The following QTGAL variants were observed in gnomAD, a reference collection of about 807,000 sequenced individuals.
The protein encoded by QTGAL is BGnT-like protein 1.
At chr17:83,001,774 G>GTT in the QTGAL span, among the ~76,000 whole-genome samples, 1 of 152,128 alleles carries the variant, frequency 6.6e-6, no homozygotes, top group African/African-American at 2.4e-5. Flanking sequence ...ATGCAATAAA[G>GTT]TTTTTCTTTT....
chr17:82,955,027 G>T, the QTGAL span, among the ~76,000 whole-genome samples: 1 of 152,184 alleles, frequency 6.6e-6, no homozygotes, highest in Non-Finnish European at 1.5e-5. Flanking sequence ...TACCCTACAT[G>T]AAAACCTAGG....
chr17:83,049,324 G>C, the QTGAL span, among the ~76,000 whole-genome samples: 4 of 151,938 alleles, frequency 2.6e-5, no homozygotes, highest in Non-Finnish European at 5.9e-5. Context: ...GGTAAATCAT[G>C]AGTTTTCCAA....
chr17:82,942,597 C>T, the QTGAL span: 2 of 1,227,598 alleles, frequency 1.6e-6, no homozygotes, highest in East Asian at 2.5e-5. Context: ...GAGGCTGGCA[C>T]TAGCTGACAG....
At chr17:83,005,370 CGAG>C in the QTGAL span, among the ~76,000 whole-genome samples, 7 of 152,028 alleles carry the variant, frequency 4.6e-5, no homozygotes, top group Middle Eastern at 3.4e-3. This position sits in a 1 kb window ranked among gnomAD's most constrained non-coding sequence, Gnocchi z 5.6. Context: ...GAGTCGAGGG[CGAG>C]GAGGAGGAGG....
the QTGAL span, among the ~76,000 whole-genome samples, chr17:82,986,396 C>T: frequency 2.0e-4 from 30 of 152,338 alleles, 2 homozygotes; most frequent in Admixed American, 5.9e-4. Context: ...ACAGGCTATA[C>T]CCACAAGCTG....
chr17:83,027,394 C>T, the QTGAL span, among the ~76,000 whole-genome samples: 7 of 152,296 alleles, frequency 4.6e-5, no homozygotes, highest in African/African-American at 7.2e-5. Flanking sequence ...CAAGAGACGT[C>T]GATAGGACAG....
chr17:83,009,961 G>GGGGAGCTGTGGGGGAA, the QTGAL span, among the ~76,000 whole-genome samples: 2 of 147,668 alleles, frequency 1.4e-5, no homozygotes, highest in Non-Finnish European at 3.0e-5. Context: ...CTGTGGGGGA[G>GGGGAGCTGTGGGGGAA]GGGAGCTGTG....
chr17:83,022,114 T>C, the QTGAL span, among the ~76,000 whole-genome samples: 3 of 152,184 alleles, frequency 2.0e-5, no homozygotes, highest in Non-Finnish European at 2.9e-5. Flanking sequence ...GAAGAAAACT[T>C]TGGGGCAGAC....
At chr17:82,993,201 C>G in the QTGAL span, among the ~76,000 whole-genome samples, 1 of 151,968 alleles carries the variant, frequency 6.6e-6, no homozygotes, top group Non-Finnish European at 1.5e-5. Context: ...AAAAACAAGA[C>G]CCAATGATCT....
At chr17:83,025,104 C>T in the QTGAL span, among the ~76,000 whole-genome samples, 4 of 152,134 alleles carry the variant, frequency 2.6e-5, no homozygotes, top group Admixed American at 6.5e-5. Flanking sequence ...TCAAATAAAA[C>T]AGAAACCATG....
At chr17:82,994,538 A>G in the QTGAL span, among the ~76,000 whole-genome samples, 1 of 152,188 alleles carries the variant, frequency 6.6e-6, no homozygotes, top group Non-Finnish European at 1.5e-5. Context: ...AACAAGTAAC[A>G]GGGTCAAAGT....
the QTGAL span, among the ~76,000 whole-genome samples, chr17:82,992,966 G>A: frequency 6.6e-6 from 1 of 151,950 alleles, no homozygotes; most frequent in Non-Finnish European, 1.5e-5. Context: ...AATATACAAT[G>A]AATACACAAA....
At chr17:82,997,928 A>ATAT in the QTGAL span, among the ~76,000 whole-genome samples, 1,204 of 78,264 alleles carry the variant, frequency 0.015, 10 homozygotes, top group South Asian at 0.049. Flanking sequence ...TTTAAAAAAA[A>ATAT]AAATATATAT....
At chr17:82,983,057 G>A in the QTGAL span, among the ~76,000 whole-genome samples, 1 of 152,308 alleles carries the variant, frequency 6.6e-6, no homozygotes. Context: ...GAGGCAGATG[G>A]ATCACCTGAG....
chr17:82,973,082 T>C, the QTGAL span, among the ~76,000 whole-genome samples: 6 of 152,214 alleles, frequency 3.9e-5, no homozygotes, highest in Non-Finnish European at 7.4e-5. Context: ...GACAGGGCCA[T>C]GTGCACAGCC....
chr17:83,049,702 C>T, the QTGAL span, among the ~76,000 whole-genome samples: 1 of 152,146 alleles, frequency 6.6e-6, no homozygotes, highest in Non-Finnish European at 1.5e-5. Flanking sequence ...TTCAAAGAAC[C>T]CAGCTGAGCA....
chr17:82,981,891 G>A, the QTGAL span, among the ~76,000 whole-genome samples: 3 of 152,214 alleles, frequency 2.0e-5, no homozygotes. Flanking sequence ...GAAGTAAGCT[G>A]GAGAAAAGAA....
At chr17:83,007,075 G>T in the QTGAL span, 1 of 502,444 alleles carries the variant, frequency 2.0e-6, no homozygotes, top group Non-Finnish European at 2.6e-6. Flanking sequence ...TTTTCGCCTG[G>T]TTCTTTGCCG....
At chr17:83,045,910 G>A in the QTGAL span, among the ~76,000 whole-genome samples, 37 of 152,146 alleles carry the variant, frequency 2.4e-4, no homozygotes, top group African/African-American at 8.7e-4. Context: ...CGCGATCTCT[G>A]CCTCCCGGGT....
Sources: allele counts gnomAD v4.1 joint callset (sites outside exome capture counted in the v4.1 genomes callset), GRCh38; gene constraint gnomAD v4.1.1; non-coding constraint Gnocchi (gnomAD v3.1); transcripts MANE v1.5; gene names NCBI Gene and HGNC (gene_info 2026-07-23, HGNC 2026-07-21).